RIMS2: variants seen among roughly 807,000 people sequenced by gnomAD.
RIMS2 encodes regulating synaptic membrane exocytosis 2, also known as regulating synaptic membrane exocytosis protein 2.
A neutral mutation model predicts 174.4 loss-of-function variants in RIMS2; 59 were observed. That is an observed-to-expected ratio of 0.34 (90% CI 0.27 to 0.42). The LOEUF (loss-of-function observed/expected upper bound fraction) is 0.42, where lower values mean the gene tolerates loss of function less well. RIMS2 is among the 10% of genes least tolerant of loss of function. The pLI, the probability that RIMS2 is intolerant of heterozygous loss-of-function variation, is 1.00. For missense variants in RIMS2, 1,620 were observed against 1,666.3 expected, an observed-to-expected ratio of 0.97 and a Z score of 0.48; for synonymous variants, 606 against 572.5, an observed-to-expected ratio of 1.06 and a Z score of -0.84.
chr8:103,593,992 T>G (rs1468778446), intron 1 of RIMS2, among the ~76,000 whole-genome samples: 2 of 151,630 alleles, frequency 1.3e-5, no homozygotes, highest in Non-Finnish European at 3.0e-5. Context: ...GTATTTTAGA[T>G]GTACAGTTGT....
Position 104,048,424 on chromosome 8 carries a change from GA to G in RIMS2, c.3334+33815del, listed in dbSNP as rs1302944742. Among the ~76,000 whole-genome samples the G allele has an allele frequency of 3.3e-5, 5 of 152,132 alleles. No individual in the cohort carries two copies. The East Asian group carries it at 9.7e-4, about 29-fold the overall frequency. On this transcript the variant is annotated intron_variant, in intron 19 of 23. Coordinates refer to ENST00000504942, the Ensembl canonical transcript of RIMS2. The stretch of plus-strand genomic sequence containing the variant: ...CCATGGTGATGCCTGTATGTGGAGA[GA>G]AAAAATTATAAAAAAACCATGGTAA...
At chr8:104,098,795 T>C (rs920945288) in intron 19 of RIMS2, among the ~76,000 whole-genome samples, 7 of 152,334 alleles carry the variant, frequency 4.6e-5, no homozygotes, top group Admixed American at 4.6e-4. Context: ...TAACATATTC[T>C]AGATCAGAGT....
chr8:103,890,375 A>G (rs2099236523), intron 4 of RIMS2, among the ~76,000 whole-genome samples: 1 of 152,054 alleles, frequency 6.6e-6, no homozygotes, highest in Non-Finnish European at 1.5e-5. Flanking sequence ...TTCAGTGCCT[A>G]TAATTTGCAA....
rs74930898 is a variant in RIMS2 at position 103,716,390 on chromosome 8, G to A, written c.387+19094G>A. On this transcript the variant is annotated intron_variant, in intron 2 of 23. Transcript: ENST00000504942. Reference sequence around the variant, plus strand: ...TGTTATTGCCAGTTTTAATTTTATAGCTATATTTAATTTATATACTTCTCA... The same window carrying A: ...TGTTATTGCCAGTTTTAATTTTATAACTATATTTAATTTATATACTTCTCA... 4.4e-3 allele frequency: 665 copies of A among 151,622 alleles called. 4 individuals are homozygous for A. Among genetic ancestry groups the A allele is most frequent in the African/African-American group, 0.015 (625 of 41,392 alleles). The allele number at this position is 151,622 out of a possible 1,614,324, so 9.4% of individuals were successfully genotyped here.
intron 1 of RIMS2, among the ~76,000 whole-genome samples, chr8:103,541,737 C>T (rs1385228175): frequency 6.6e-6 from 1 of 152,012 alleles, no homozygotes; most frequent in South Asian, 2.1e-4. Flanking sequence ...GTAATAGCTA[C>T]AATAATTTGT....
At chr8:103,521,479 G>A (rs1313734997) in intron 1 of RIMS2, among the ~76,000 whole-genome samples, 4 of 151,556 alleles carry the variant, frequency 2.6e-5, no homozygotes, top group Non-Finnish European at 4.4e-5. Context: ...TTACTTAATA[G>A]GATATCATAA....
intron 1 of RIMS2, among the ~76,000 whole-genome samples, chr8:103,523,212 T>C (rs1248292454): frequency 1.3e-5 from 2 of 152,080 alleles, no homozygotes; most frequent in African/African-American, 4.8e-5. Context: ...AGAGGATGTC[T>C]TGAGTCTTCA....
At chr8:104,064,337 G>A (rs1347660805) in intron 19 of RIMS2, among the ~76,000 whole-genome samples, 4 of 152,010 alleles carry the variant, frequency 2.6e-5, no homozygotes, top group African/African-American at 9.7e-5. Flanking sequence ...GCTGAAATGG[G>A]CCAGAAATTT....
intron 15 of RIMS2, among the ~76,000 whole-genome samples, chr8:103,963,552 G>A (rs1356583390): frequency 8.5e-5 from 13 of 152,048 alleles, no homozygotes; most frequent in Admixed American, 3.3e-4. Flanking sequence ...TTAAATTTTA[G>A]GGCAGCATTA....
Position 104,112,311 on chromosome 8 carries a change from A to G in RIMS2, c.3334+97696A>G, listed in dbSNP as rs1193557872. Reference sequence around the variant, plus strand: ...ATTTTAATCATGATTTTAACAAATAATAATGTTGATATCTCATTTGTAGGG... The same window carrying G: ...ATTTTAATCATGATTTTAACAAATAGTAATGTTGATATCTCATTTGTAGGG... On this transcript the variant is annotated intron_variant, in intron 19 of 23. Coordinates refer to ENST00000504942, the Ensembl canonical transcript of RIMS2. 2.0e-5 allele frequency among the ~76,000 whole-genome samples: 3 copies of G among 152,150 alleles called. No individual in the cohort carries two copies. In the East Asian group the frequency reaches 5.8e-4, roughly 29 times the overall value.
intron 20 of RIMS2, among the ~76,000 whole-genome samples, chr8:104,247,165 T>G (rs2099338429): frequency 6.6e-6 from 1 of 152,130 alleles, no homozygotes; most frequent in South Asian, 2.1e-4. Flanking sequence ...TATTGATGCA[T>G]TTGATGTGGG....
At chr8:103,773,650 A>C (rs888857171) in intron 3 of RIMS2, among the ~76,000 whole-genome samples, 2 of 152,162 alleles carry the variant, frequency 1.3e-5, no homozygotes. Flanking sequence ...GAATCACTTG[A>C]ACCCAGGAGG....
At chr8:103,765,318 C>T (rs2098157723) in intron 2 of RIMS2, among the ~76,000 whole-genome samples, 1 of 151,976 alleles carries the variant, frequency 6.6e-6, no homozygotes, top group Non-Finnish European at 1.5e-5. Flanking sequence ...TTTCTGGAGT[C>T]TGAAAAATAT....
intron 19 of RIMS2, among the ~76,000 whole-genome samples, chr8:104,140,744 G>A (rs1344028298): frequency 6.6e-6 from 1 of 152,162 alleles, no homozygotes; most frequent in African/African-American, 2.4e-5. Context: ...CCAAGTAGAT[G>A]CAAGGTAGAT....
intron 2 of RIMS2, among the ~76,000 whole-genome samples, chr8:103,736,550 C>A (rs2139135286): frequency 6.6e-6 from 1 of 152,178 alleles, no homozygotes; most frequent in South Asian, 2.1e-4. Flanking sequence ...TTTCTTTTAC[C>A]CTTACCTTGG....
chr8:103,580,003 C>G (rs541307751), intron 1 of RIMS2, among the ~76,000 whole-genome samples: 1 of 152,126 alleles, frequency 6.6e-6, no homozygotes, highest in African/African-American at 2.4e-5. Flanking sequence ...AATCCGCCCC[C>G]GTGATCCAAT....
chr8:103,914,675 C>A (rs1375166273), intron 6 of RIMS2, among the ~76,000 whole-genome samples: 1 of 152,032 alleles, frequency 6.6e-6, no homozygotes, highest in Non-Finnish European at 1.5e-5. Flanking sequence ...ATAAGATACA[C>A]CCCGTGATTT....
At chr8:104,244,286 T>C (rs1486875565) in intron 19 of RIMS2, among the ~76,000 whole-genome samples, 4 of 152,092 alleles carry the variant, frequency 2.6e-5, no homozygotes, top group Non-Finnish European at 5.9e-5. Flanking sequence ...TTTTGGTGAG[T>C]TTTTGCATTG....
At chr8:103,767,970 ACT>A (rs2098197336) in intron 3 of RIMS2, among the ~76,000 whole-genome samples, 1 of 152,248 alleles carries the variant, frequency 6.6e-6, no homozygotes, top group South Asian at 2.1e-4. Flanking sequence ...GGAATTGTTA[ACT>A]CTCTGAAACT....
Sources: gnomAD v4.1 joint callset for allele counts (sites outside exome capture counted in the v4.1 genomes callset) on GRCh38, gnomAD v4.1.1 for gene constraint, MANE v1.5 for transcripts, NCBI Gene and HGNC (gene_info 2026-07-23, HGNC 2026-07-21) for gene names.